Variants in GLP1R observed in about 807,000 individuals in gnomAD.
The protein encoded by GLP1R is glucagon like peptide 1 receptor, also known as glucagon-like peptide 1 receptor.
Under a neutral mutation model 68.4 loss-of-function variants are expected in GLP1R, and 32 were observed. The observed-to-expected ratio is 0.47, with a 90% CI of 0.35 to 0.63. The LOEUF (loss-of-function observed/expected upper bound fraction) is 0.63. Ranked by LOEUF, GLP1R falls within the 20% of genes least tolerant of loss-of-function variation. The pLI is 0.00. For synonymous variants in GLP1R, 263 were observed against 244.4 expected (o/e 1.08, Z -0.71); for missense variants, 502 against 594.9 (o/e 0.84, Z 1.62).
intron 3 of GLP1R, among the ~76,000 whole-genome samples, chr6:39,063,750 T>C (rs1269120064): frequency 2.0e-5 from 3 of 152,086 alleles, no homozygotes; most frequent in Non-Finnish European, 2.9e-5. Flanking sequence ...CTGACAGTGC[T>C]GGAAGAGGCT....
At chr6:39,070,595 GTC>G (rs1409942396) in intron 5 of GLP1R, among the ~76,000 whole-genome samples, 2 of 152,178 alleles carry the variant, frequency 1.3e-5, no homozygotes, top group Admixed American at 1.3e-4. Context: ...AGCTTCCTTT[GTC>G]TAGCCTTCTC....
At chr6:39,078,646 T>A (rs1562016889) in intron 8 of GLP1R, among the ~76,000 whole-genome samples, 1 of 152,188 alleles carries the variant, frequency 6.6e-6, no homozygotes, top group Non-Finnish European at 1.5e-5. Context: ...TATCTGCAAG[T>A]GAAATGTTTG....
chr6:39,057,587 C>A lies in GLP1R; in HGVS notation c.283+8C>A. 1.3e-6 allele frequency: 2 copies of A among 1,527,702 alleles called. No homozygotes were observed. Among genetic ancestry groups the A allele is most frequent in the Non-Finnish European group, 9.0e-7 (1 of 1,113,340 alleles). 94.6% of individuals were successfully genotyped at this position (1,527,702 alleles called of 1,614,324 possible). The stretch of plus-strand genomic sequence containing the variant: ...TGCCCTGGGCCAGCAGTGGTGAGCC[C>A]CCTCCCCGACCTGGTACCTGCCCTG... On this transcript the variant is annotated splice_region_variant and intron_variant, in intron 3 of 12. Coordinates refer to ENST00000373256, the MANE Select transcript of GLP1R (RefSeq NM_002062.5).
intron 11 of GLP1R, among the ~76,000 whole-genome samples, chr6:39,080,069 A>C (rs9296287): frequency 0.51 from 77,856 of 151,870 alleles, 20,325 homozygotes; most frequent in Admixed American, 0.55. Context: ...TACAGAGGAG[A>C]CTCAGAGGTG....
In GLP1R at chr6:39,048,835, C is replaced by G. The variant is rs1243992604; in HGVS notation, c.-6C>G. 6.3e-6 allele frequency: 9 copies of G among 1,439,460 alleles called. No homozygotes were observed. The highest frequency in any genetic ancestry group is 2.0e-5 in the Admixed American group (1 of 49,394). 89.2% of individuals were successfully genotyped at this position (1,439,460 alleles called of 1,614,324 possible). On this transcript the variant is annotated 5_prime_UTR_variant, in exon 1 of 13. Transcript: ENST00000373256. Reference sequence around the variant, plus strand: ...GCAGCGATGGCCCAGTCCTGAACTCCCCGCCATGGCCGGCGCCCCCGGCCC... The same window carrying G: ...GCAGCGATGGCCCAGTCCTGAACTCGCCGCCATGGCCGGCGCCCCCGGCCC...
Position 39,065,846 on chromosome 6 carries a change from T to A in GLP1R, c.402+17T>A. The A allele has an allele frequency of 6.7e-7, 1 of 1,495,314 alleles. No homozygotes were observed. Among genetic ancestry groups the A allele is most frequent in the Non-Finnish European group, 9.3e-7 (1 of 1,076,696 alleles). The allele number at this position is 1,495,314 out of a possible 1,614,324, so 92.6% of individuals were successfully genotyped here. A position where few individuals can be genotyped will look rare whatever the true frequency, so the allele number is the denominator to read the frequency against. On this transcript the variant is annotated intron_variant, in intron 4 of 12. Coordinates refer to ENST00000373256, the MANE Select transcript of GLP1R (RefSeq NM_002062.5). ...GGGGAAAGAGTGAGTTGAGGCGGGG[T>A]TCTGAGCCAGGGAGCGGGGAGCCAT...
At chr6:39,082,753 G>A (rs1769038645) in intron 12 of GLP1R, among the ~76,000 whole-genome samples, 1 of 152,144 alleles carries the variant, frequency 6.6e-6, no homozygotes, top group Non-Finnish European at 1.5e-5. Flanking sequence ...AGTGGTGATG[G>A]GGGCAAGACA....
chr6:39,088,151 A>G lies in GLP1R; in HGVS notation c.*2078A>G, dbSNP rs1452263109. ...AACTGTAAGTAGAGTTGTCTTCCCA[A>G]CGAGAACTGGTGATTCCTGATTTCA... is the stretch of plus-strand genomic sequence containing the variant. On this transcript the variant is annotated 3_prime_UTR_variant, in exon 13 of 13. Transcript: ENST00000373256. 6.6e-6 allele frequency among the ~76,000 whole-genome samples: 1 copy of G among 152,168 alleles called. No homozygotes were observed. The highest frequency in any genetic ancestry group is 1.9e-4 in the East Asian group (1 of 5,194).
intron 5 of GLP1R, among the ~76,000 whole-genome samples, chr6:39,070,304 T>G (rs1200945569): frequency 6.6e-6 from 1 of 152,262 alleles, no homozygotes; most frequent in South Asian, 2.1e-4. Flanking sequence ...ACACGAGCAG[T>G]CCTGTTTTGT....
intron 11 of GLP1R, among the ~76,000 whole-genome samples, 195 bp from the exon 12 acceptor site, chr6:39,080,503 G>A (rs761257894): frequency 2.0e-4 from 31 of 152,344 alleles, no homozygotes; most frequent in Middle Eastern, 3.4e-3. Context: ...AGGCCTAGTC[G>A]CAGAGGTGCA....
chr6:39,072,030 A>G (rs1768682303), intron 5 of GLP1R, among the ~76,000 whole-genome samples: 1 of 152,216 alleles, frequency 6.6e-6, no homozygotes, highest in Admixed American at 6.5e-5. Flanking sequence ...CAAAAGAATT[A>G]TTTCTAAACA....
intron 3 of GLP1R, among the ~76,000 whole-genome samples, chr6:39,063,943 ACACACACACACACACACACC>A (rs138987209): frequency 0.067 from 9,850 of 146,170 alleles, 475 homozygotes; most frequent in East Asian, 0.11. Flanking sequence ...ACACACACAC[ACACACACACACACACACACC>A]CCACATTAAT....
intron 5 of GLP1R, among the ~76,000 whole-genome samples, chr6:39,068,285 A>G (rs1461241765): frequency 2.0e-5 from 3 of 152,104 alleles, no homozygotes; most frequent in East Asian, 1.9e-4. Context: ...TGGGTCCCCA[A>G]GTCTCCCCGA....
In GLP1R at chr6:39,049,249, C is replaced by T. The variant is rs570752765; in HGVS notation, c.78+331C>T. On this transcript the variant is annotated intron_variant, in intron 1 of 12. Coordinates refer to ENST00000373256, the MANE Select transcript of GLP1R (RefSeq NM_002062.5). This position sits in a 1 kb window ranked among gnomAD's most constrained non-coding sequence, Gnocchi z 4.5. ...TTCTCCTTTGTCCCCAGCACTTTCC[C>T]AACTCCTTCTAAACCGTGTCAGCGG... 3.3e-4 allele frequency among the ~76,000 whole-genome samples: 51 copies of T among 152,264 alleles called. No homozygotes were observed. Among genetic ancestry groups the T allele is most frequent in the African/African-American group, 1.2e-3 (50 of 41,560 alleles).
chr6:39,060,250 T>A (rs949435174), intron 3 of GLP1R, among the ~76,000 whole-genome samples: 5 of 152,152 alleles, frequency 3.3e-5, no homozygotes, highest in Non-Finnish European at 7.3e-5. Context: ...CTTGGGCTGA[T>A]CAAGCGAGTA....
intron 7 of GLP1R, among the ~76,000 whole-genome samples, chr6:39,077,145 T>C (rs944633484): frequency 6.6e-6 from 1 of 152,206 alleles, no homozygotes; most frequent in African/African-American, 2.4e-5. Flanking sequence ...GCTGGGTACC[T>C]TGTGGCTCAG....
intron 7 of GLP1R, among the ~76,000 whole-genome samples, chr6:39,075,596 G>A (rs1226934289): frequency 2.0e-5 from 3 of 152,162 alleles, no homozygotes; most frequent in African/African-American, 7.2e-5. Context: ...GGCAAGACCC[G>A]GAGGACACCC....
chr6:39,065,289 G>A (rs910169), intron 3 of GLP1R, among the ~76,000 whole-genome samples: 9,069 of 152,218 alleles, frequency 0.06, 912 homozygotes, highest in African/African-American at 0.21. Flanking sequence ...CAGAAATAGC[G>A]AGTGACTGCG....
At chr6:39,064,114 G>C (rs918577975) in intron 3 of GLP1R, among the ~76,000 whole-genome samples, 1 of 149,302 alleles carries the variant, frequency 6.7e-6, no homozygotes, top group South Asian at 2.1e-4. Context: ...AGTGATTTTC[G>C]TGCCTCAGCT....
Sources: allele counts gnomAD v4.1 joint callset (sites outside exome capture counted in the v4.1 genomes callset), GRCh38; gene constraint gnomAD v4.1.1; non-coding constraint Gnocchi (gnomAD v3.1); transcripts MANE v1.5; gene names NCBI Gene and HGNC (gene_info 2026-07-23, HGNC 2026-07-21).